The following LIN54 variants were observed in gnomAD, a reference collection of about 807,000 sequenced individuals.
The protein encoded by LIN54 is lin-54 DREAM MuvB core complex component, also known as protein lin-54 homolog.
A neutral mutation model predicts 78.7 loss-of-function variants in LIN54; 9 were observed. That is an observed-to-expected ratio of 0.11 (90% confidence interval 0.07 to 0.20). The LOEUF (loss-of-function observed/expected upper bound fraction) is 0.20. LIN54 is among the 10% of genes least tolerant of loss of function. The probability of loss-of-function intolerance (pLI) is 1.00; values close to 1 mark genes in which losing one functional copy is unlikely to be tolerated. For synonymous variants in LIN54, 269 were observed against 318.4 expected (o/e 0.84, Z 1.65); for missense variants, 573 against 889.9 (o/e 0.64, Z 4.53).
chr4:82,994,078 A>G (rs912159071), intron 1 of LIN54, among the ~76,000 whole-genome samples: 2 of 152,092 alleles, frequency 1.3e-5, no homozygotes, highest in Non-Finnish European at 2.9e-5. Flanking sequence ...TTTTACAGTA[A>G]GCCTTTAATA....
At chr4:82,968,550 G>C (rs150352514) in intron 4 of LIN54, among the ~76,000 whole-genome samples, 1 of 151,826 alleles carries the variant, frequency 6.6e-6, no homozygotes, top group Non-Finnish European at 1.5e-5. Context: ...AGCTACTAGT[G>C]TAGTTCAAAC....
intron 1 of LIN54, among the ~76,000 whole-genome samples, chr4:82,996,401 C>T (rs1289601677): frequency 6.6e-6 from 1 of 151,818 alleles, no homozygotes; most frequent in East Asian, 1.9e-4. Flanking sequence ...CCTATGCTTC[C>T]AATATTTATT....
intron 3 of LIN54, among the ~76,000 whole-genome samples, chr4:82,975,436 C>T (rs13102784): frequency 0.18 from 27,911 of 151,264 alleles, 2,737 homozygotes; most frequent in South Asian, 0.32. Flanking sequence ...TGAGGCCAGG[C>T]GCGGTGGCTC....
chr4:82,990,677 G>A (rs1046379095), intron 1 of LIN54, among the ~76,000 whole-genome samples: 2 of 151,922 alleles, frequency 1.3e-5, no homozygotes, highest in African/African-American at 2.4e-5. Context: ...TAGAGACAGG[G>A]TTTCACCATG....
chr4:82,995,656 C>T (rs1229755206), intron 1 of LIN54, among the ~76,000 whole-genome samples: 5 of 151,354 alleles, frequency 3.3e-5, no homozygotes, highest in African/African-American at 4.8e-5. Flanking sequence ...CCACCACACC[C>T]GGCTAATTTT....
At chr4:82,968,682 G>C (rs1264357493) in intron 4 of LIN54, among the ~76,000 whole-genome samples, 4 of 152,142 alleles carry the variant, frequency 2.6e-5, no homozygotes, top group Non-Finnish European at 5.9e-5. Context: ...GTAGGGGCCT[G>C]CCATTAGTTT....
intron 1 of LIN54, among the ~76,000 whole-genome samples, chr4:82,998,045 C>CGT (rs1728385530): frequency 6.0e-5 from 1 of 16,654 alleles, no homozygotes; most frequent in African/African-American, 1.2e-4. Flanking sequence ...TATACACACA[C>CGT]GTATATATAT....
intron 1 of LIN54, among the ~76,000 whole-genome samples, chr4:82,988,443 T>G (rs1393078069): frequency 6.6e-6 from 1 of 152,240 alleles, no homozygotes; most frequent in Non-Finnish European, 1.5e-5. Context: ...ACATTTGGAC[T>G]GTTTCCAGTT....
intron 8 of LIN54, among the ~76,000 whole-genome samples, chr4:82,937,812 C>T (rs796790512): frequency 8.6e-5 from 13 of 152,030 alleles, no homozygotes; most frequent in African/African-American, 2.7e-4. Context: ...TAAACATCAA[C>T]AAAAAATGAG....
intron 1 of LIN54, among the ~76,000 whole-genome samples, chr4:82,995,779 G>A (rs544367959): frequency 2.6e-5 from 4 of 151,886 alleles, no homozygotes; most frequent in South Asian, 2.1e-4. Context: ...GATTACAGGC[G>A]TCAGCCTCTA....
chr4:82,966,639 G>T (rs551668840), intron 4 of LIN54, among the ~76,000 whole-genome samples: 2 of 151,900 alleles, frequency 1.3e-5, no homozygotes, highest in African/African-American at 4.8e-5. Flanking sequence ...TTTACTTTTT[G>T]AGACAGTCTC....
intron 4 of LIN54, among the ~76,000 whole-genome samples, chr4:82,969,312 T>C (rs1481093754): frequency 6.6e-6 from 1 of 152,200 alleles, no homozygotes; most frequent in Non-Finnish European, 1.5e-5. Flanking sequence ...CTATGACCAT[T>C]GTAATTCTGT....
At chr4:82,932,254 C>G (rs1028914944) in intron 11 of LIN54, among the ~76,000 whole-genome samples, 11 of 151,428 alleles carry the variant, frequency 7.3e-5, no homozygotes, top group African/African-American at 2.7e-4. Context: ...GCCACCACGC[C>G]CGGCTAATTT....
Position 82,978,921 on chromosome 4 carries a change from G to A in LIN54, c.770C>T (p.Thr257Ile). The A allele has an allele frequency of 1.9e-6, 3 of 1,586,428 alleles. No individual in the cohort carries two copies. Among genetic ancestry groups the A allele is most frequent in the Non-Finnish European group, 1.7e-6 (2 of 1,158,522 alleles). Residue 257 changes from threonine (T) to isoleucine (I), a missense_variant, in exon 3 of 13, where the codon ACA becomes ATA. Thr to Ile is a moderately conservative substitution (Grantham distance 89). Coordinates refer to ENST00000340417, the MANE Select transcript of LIN54 (RefSeq NM_194282.4). ...FAKPINSKAV[T>I]GQTTQVSPPV... The stretch of plus-strand genomic sequence containing the variant: ...TGGTGAAACTTGAGTTGTCTGTCCT[G>A]TAACTGCTTTACTATTAATTGGTTT...
In LIN54 at chr4:82,978,996, T is replaced by C. The variant is rs763237327; in HGVS notation, c.695A>G (p.Lys232Arg). 6.3e-7 allele frequency: 1 copy of C among 1,585,420 alleles called. No individual in the cohort carries two copies. Among genetic ancestry groups the C allele is most frequent in the South Asian group, 1.1e-5 (1 of 86,980 alleles). Reference protein sequence around the residue: ...QQLKTVQIAKKPRTPTSGPVI... With the variant: ...QQLKTVQIAKRPRTPTSGPVI... ...TGGACCAGAGGTTGGCGTTCGAGGC[T>C]TCTTAGCAATCTGAAACATATAAAT... Residue 232 changes from lysine to arginine, a missense_variant, in exon 3 of 13, where the codon AAG becomes AGG. Transcript: ENST00000340417.
intron 4 of LIN54, among the ~76,000 whole-genome samples, chr4:82,947,124 G>A (rs1411609310): frequency 6.7e-6 from 1 of 148,938 alleles, no homozygotes; most frequent in Non-Finnish European, 1.5e-5. Context: ...TAGCATATGG[G>A]CAGGAGGCCA....
At chr4:82,994,161 A>C (rs564018247) in intron 1 of LIN54, among the ~76,000 whole-genome samples, 175 of 152,114 alleles carry the variant, frequency 1.2e-3, no homozygotes, top group African/African-American at 4.1e-3. Context: ...ATTCACTTCA[A>C]ATGTTTTCTA....
chr4:82,932,739 C>T (rs13137965), intron 11 of LIN54, among the ~76,000 whole-genome samples: 27,963 of 151,380 alleles, frequency 0.18, 2,767 homozygotes, highest in South Asian at 0.32. Flanking sequence ...GCAGGAGAAT[C>T]GCTTGAACCC....
intron 1 of LIN54, 138 bp from the exon 2 acceptor site, chr4:82,985,014 C>G: frequency 1.6e-6 from 1 of 623,700 alleles, no homozygotes; most frequent in South Asian, 2.1e-5. Flanking sequence ...TGAAGCTTAT[C>G]TGGGTTAAAT....
Sources: gnomAD v4.1 joint callset for allele counts (sites outside exome capture counted in the v4.1 genomes callset) on GRCh38, gnomAD v4.1.1 for gene constraint, MANE v1.5 for transcripts, NCBI Gene and HGNC (gene_info 2026-07-23, HGNC 2026-07-21) for gene names.